PTK7: variants seen among roughly 807,000 people sequenced by gnomAD.
PTK7 encodes the protein protein tyrosine kinase 7 (inactive).
A neutral mutation model predicts 116.6 loss-of-function variants in PTK7; 39 were observed. The ratio of observed to expected loss-of-function variants is 0.33; its 90% CI spans 0.26 to 0.44. The LOEUF (loss-of-function observed/expected upper bound fraction) is 0.44, where lower values mean the gene tolerates loss of function less well. PTK7 is among the 20% of genes least tolerant of loss of function. The pLI, the probability that PTK7 is intolerant of heterozygous loss-of-function variation, is 1.00. For synonymous variants in PTK7, 546 were observed against 563.6 expected, an observed-to-expected ratio of 0.97 and a Z score of 0.44; for missense variants, 1,169 against 1,425.6, an observed-to-expected ratio of 0.82 and a Z score of 2.90.
intron 17 of PTK7, among the ~76,000 whole-genome samples, chr6:43,150,877 G>A (rs949791575): frequency 7.5e-6 from 1 of 133,626 alleles, no homozygotes; most frequent in Non-Finnish European, 1.5e-5. Flanking sequence ...GCACCATCTC[G>A]GCTCACTGCA....
intron 1 of PTK7, among the ~76,000 whole-genome samples, chr6:43,092,665 C>T (rs539286085): frequency 1.3e-5 from 2 of 152,108 alleles, no homozygotes; most frequent in Non-Finnish European, 2.9e-5. Context: ...AATAATGGAG[C>T]ATCTTCTAAA....
At chr6:43,077,556 G>A (rs1235600230) in intron 1 of PTK7, among the ~76,000 whole-genome samples, 2 of 152,102 alleles carry the variant, frequency 1.3e-5, no homozygotes, top group African/African-American at 4.8e-5. Flanking sequence ...AGGTGTTGAA[G>A]TGCCTTACAG....
At chr6:43,131,936 A>G in intron 5 of PTK7, 80 bp from the exon 6 acceptor site, 1 of 1,576,442 alleles carries the variant, frequency 6.3e-7, no homozygotes. Flanking sequence ...CCGACTTTGC[A>G]GGAAAGGGGT....
intron 1 of PTK7, among the ~76,000 whole-genome samples, chr6:43,118,623 CT>C (rs1768712276): frequency 5.3e-5 from 3 of 56,450 alleles, no homozygotes; most frequent in East Asian, 5.4e-4. Flanking sequence ...ATTTTAACCT[CT>C]CTCTCTCTCT....
In PTK7 at chr6:43,141,037, C is replaced by T. The variant is rs1770370413; in HGVS notation, c.1619-631C>T. 6.6e-6 allele frequency among the ~76,000 whole-genome samples: 1 copy of T among 152,042 alleles called. No individual in the cohort carries two copies. The highest frequency in any genetic ancestry group is 6.6e-5 in the Admixed American group (1 of 15,254). ...TTGGGTTGTTAACCAGCCACCCACCCACCCCCTTTTTTTTCATTGCTGCAA... is the reference window on the plus strand; with the variant it reads ...TTGGGTTGTTAACCAGCCACCCACCTACCCCCTTTTTTTTCATTGCTGCAA... On this transcript the variant is annotated intron_variant, in intron 10 of 19. Transcript: ENST00000230419. The surrounding 1 kb of genome is among the most constrained non-coding windows in gnomAD (Gnocchi z 4.9).
intron 1 of PTK7, among the ~76,000 whole-genome samples, chr6:43,124,639 G>A (rs981297303): frequency 6.6e-6 from 1 of 152,064 alleles, no homozygotes; most frequent in African/African-American, 2.4e-5. Flanking sequence ...TGGCACCACT[G>A]TACTCCAGCC....
chr6:43,153,805 G>A (rs1303790458), intron 17 of PTK7, among the ~76,000 whole-genome samples: 1 of 152,068 alleles, frequency 6.6e-6, no homozygotes, highest in Non-Finnish European at 1.5e-5. Context: ...GGGAGGCCAA[G>A]GTGGAAGGAT....
chr6:43,084,054 T>C (rs1766521522), intron 1 of PTK7, among the ~76,000 whole-genome samples: 1 of 152,194 alleles, frequency 6.6e-6, no homozygotes, highest in African/African-American at 2.4e-5. Context: ...TTTATTTATT[T>C]GTTAGATTAT....
intron 1 of PTK7, among the ~76,000 whole-genome samples, chr6:43,118,721 A>T (rs1334634297): frequency 1.4e-5 from 2 of 140,690 alleles, no homozygotes; most frequent in East Asian, 4.1e-4. Flanking sequence ...ATATATACGT[A>T]TATACATATA....
chr6:43,144,941 T>G, intron 15 of PTK7: 1 of 433,198 alleles, frequency 2.3e-6, no homozygotes, highest in Non-Finnish European at 4.1e-6. Context: ...CTAGCATACG[T>G]TAAGACATGT....
Position 43,138,890 on chromosome 6 carries a change from G to A in PTK7, c.1270G>A (p.Glu424Lys). Residue 424 changes from glutamate (E) to lysine (K), a missense_variant, in exon 8 of 20, where the codon GAG (glutamate) becomes AAG (lysine). Coordinates refer to ENST00000230419, the MANE Select transcript of PTK7 (RefSeq NM_002821.5). Reference sequence around the variant, plus strand: ...GAAGAAGCCCCAAGACAGCCAGCTGGAGGAGGGCAAACCCGGCTACTTGGA... The same window carrying A: ...GAAGAAGCCCCAAGACAGCCAGCTGAAGGAGGGCAAACCCGGCTACTTGGA... ...WLKKPQDSQL[E>K]EGKPGYLDCL... 6.2e-7 allele frequency: 1 copy of A among 1,614,178 alleles called. No individual in the cohort carries two copies.
chr6:43,076,639 G>C lies in PTK7; in HGVS notation c.79+72G>C. ...TCCCGTGGGCAAAAGGCTGCGCCCG[G>C]GGCGGTGGGTTTGGGCGGCTGGAAC... On this transcript the variant is annotated intron_variant, in intron 1 of 19. Transcript: ENST00000230419. The surrounding 1 kb of genome is among the most constrained non-coding windows in gnomAD (Gnocchi z 5.7). 1 of 1,490,330 alleles carries C rather than the reference G, an allele frequency of 6.7e-7. No homozygotes were observed. The highest frequency in any genetic ancestry group is 9.0e-7 in the Non-Finnish European group (1 of 1,115,280). The allele number at this position is 1,490,330 out of a possible 1,614,324, so 92.3% of individuals were successfully genotyped here. A position where few individuals can be genotyped will look rare whatever the true frequency, so the allele number is the denominator to read the frequency against.
rs751475158 is a variant in PTK7, at chr6:43,141,965, G to A, written c.1803G>A (p.Thr601=). ...CCTTCAAAGTGGAACCAGAGCGTAC[G>A]ACTGTGTACCAGGGCCACACAGCCC... is the stretch of plus-strand genomic sequence containing the variant. ...FITFKVEPER[T]TVYQGHTALL... Residue 601 remains threonine, a synonymous_variant, in exon 12 of 20, where the codon ACG becomes ACA. Transcript: ENST00000230419. This position sits in a 1 kb window ranked among gnomAD's most constrained non-coding sequence, Gnocchi z 4.9. 48 of 1,613,070 alleles carry A rather than the reference G, an allele frequency of 3.0e-5. No homozygotes were observed. The Admixed American group carries it at 7.5e-4, about 25-fold the overall frequency.
At position 43,157,356 on chromosome 6, in the gene PTK7, ATATATATATTTTTTTTTTTCTT is replaced by A. The variant is rs1771533044; in HGVS notation, c.2722-1459_2722-1438del. ...TATATATATATATATATATATATAT[ATATATATATTTTTTTTTTTCTT>A]TTTTTTTTTTTTTTTTTAATAGAGT... On this transcript the variant is annotated intron_variant, in intron 17 of 19. Coordinates refer to ENST00000230419, the MANE Select transcript of PTK7 (RefSeq NM_002821.5). 1.6e-3 allele frequency among the ~76,000 whole-genome samples: 5 copies of A among 3,198 alleles called. 1 individual carries two copies. Among genetic ancestry groups the A allele is most frequent in the African/African-American group, 4.1e-3 (5 of 1,234 alleles). 2.1% of individuals were successfully genotyped at this position (3,198 alleles called of 152,430 possible).
chr6:43,096,298 T>C (rs755133199), intron 1 of PTK7, among the ~76,000 whole-genome samples: 1 of 152,230 alleles, frequency 6.6e-6, no homozygotes, highest in Non-Finnish European at 1.5e-5. Context: ...CAGTTTTTGC[T>C]GCCAAAACAG....
chr6:43,129,710 C>G lies in PTK7; in HGVS notation c.368-17C>G. 1 of 1,611,618 alleles carries G rather than the reference C, an allele frequency of 6.2e-7. No individual in the cohort carries two copies. Among genetic ancestry groups the G allele is most frequent in the Non-Finnish European group, 8.5e-7 (1 of 1,177,796 alleles). On this transcript the variant is annotated splice_polypyrimidine_tract_variant and intron_variant, in intron 2 of 19. Transcript: ENST00000230419. The surrounding 1 kb of genome is among the most constrained non-coding windows in gnomAD (Gnocchi z 4.5). The stretch of plus-strand genomic sequence containing the variant: ...GCCCTGCTCTGCCCCTCACTGCAAC[C>G]GTGGCCTCTGCTACAGGGATTGAGG...
chr6:43,130,629 T>G lies in PTK7; in HGVS notation c.780T>G (p.Phe260Leu). The change falls in exon 5 of 20, where the codon TTT becomes TTG. Residue 260 changes from phenylalanine (F) to leucine (L), a missense_variant. This residue lies in a region of PTK7 where 487 missense variants were observed against 549.8 expected (regional missense o/e 0.89). Transcript: ENST00000230419. The stretch of plus-strand genomic sequence containing the variant: ...CACCCCCGAGCCTGCAGTGGCTCTT[T>G]GAGGATGAGACTCCCATCACTAACC... ...AQPPPSLQWL[F>L]EDETPITNRS... 1.9e-6 allele frequency: 3 copies of G among 1,614,200 alleles called. No individual in the cohort carries two copies. Among genetic ancestry groups the G allele is most frequent in the Non-Finnish European group, 8.5e-7 (1 of 1,180,034 alleles).
chr6:43,151,159 T>G (rs1771053005), intron 17 of PTK7, among the ~76,000 whole-genome samples: 1 of 151,440 alleles, frequency 6.6e-6, no homozygotes, highest in Admixed American at 6.6e-5. Flanking sequence ...TGTACTTCCC[T>G]GTACCCAGAG....
At position 43,141,918 on chromosome 6, in the gene PTK7, T is replaced by C. The variant is rs747520321; in HGVS notation, c.1769-13T>C. Reference sequence around the variant, plus strand: ...TACCCCTCCCTGCGCCTCGCTGGTCTCTTTTCTTCCAGTTTTTATCACCTT... The same window carrying C: ...TACCCCTCCCTGCGCCTCGCTGGTCCCTTTTCTTCCAGTTTTTATCACCTT... On this transcript the variant is annotated splice_polypyrimidine_tract_variant and intron_variant, in intron 11 of 19. Coordinates refer to ENST00000230419, the MANE Select transcript of PTK7 (RefSeq NM_002821.5). This position sits in a 1 kb window ranked among gnomAD's most constrained non-coding sequence, Gnocchi z 4.9. The C allele has an allele frequency of 6.3e-7, 1 of 1,598,126 alleles. No homozygotes were observed. The highest frequency in any genetic ancestry group is 2.2e-5 in the East Asian group (1 of 44,526).
Sources: gnomAD v4.1 joint callset for allele counts (sites outside exome capture counted in the v4.1 genomes callset) on GRCh38, gnomAD v4.1.1 for gene constraint, gnomAD v4.1.1 regional missense constraint, Gnocchi (gnomAD v3.1) non-coding constraint, MANE v1.5 for transcripts, NCBI Gene and HGNC (gene_info 2026-07-23, HGNC 2026-07-21) for gene names.